Variants in GAS2 observed in about 807,000 individuals in gnomAD.
GAS2 encodes the protein growth arrest-specific protein 2.
A neutral mutation model predicts 37.5 loss-of-function variants in GAS2; 20 were observed. The ratio of observed to expected loss-of-function variants is 0.53; its 90% CI spans 0.37 to 0.77. The LOEUF is 0.77. Ranked by LOEUF, GAS2 falls within the 30% of genes least tolerant of loss-of-function variation. The pLI, the probability that GAS2 is intolerant of heterozygous loss-of-function variation, is 0.00. For synonymous variants in GAS2, 144 were observed against 132.2 expected (o/e 1.09, Z -0.61); for missense variants, 336 against 373.4 (o/e 0.90, Z 0.82).
chr11:22,668,840 T>G lies in GAS2; in HGVS notation c.-21+1941T>G, dbSNP rs1206426322. On this transcript the variant is annotated intron_variant, in intron 1 of 7. Coordinates refer to ENST00000454584, the MANE Select transcript of GAS2 (RefSeq NM_001143830.3). ...TTGTTTAAAACTGCAGGGCATGTTG[T>G]AAGGTTGGTTTGGTATCTTTGTGGT... 3.3e-5 allele frequency among the ~76,000 whole-genome samples: 5 copies of G among 152,328 alleles called. No homozygotes were observed. In the East Asian group the frequency reaches 9.6e-4, roughly 29 times the overall value.
At chr11:22,770,632 G>C (rs1854930446) in intron 7 of GAS2, among the ~76,000 whole-genome samples, 1 of 152,160 alleles carries the variant, frequency 6.6e-6, no homozygotes, top group Admixed American at 6.6e-5. Context: ...TGGAACAGGA[G>C]ACTAAAACCC....
At chr11:22,679,068 A>G (rs896284888) in intron 2 of GAS2, among the ~76,000 whole-genome samples, 1 of 152,086 alleles carries the variant, frequency 6.6e-6, no homozygotes, top group Non-Finnish European at 1.5e-5. Context: ...AGGGGGTAGC[A>G]CACACTGATT....
chr11:22,693,776 C>T (rs1850365591), intron 3 of GAS2, among the ~76,000 whole-genome samples: 1 of 152,098 alleles, frequency 6.6e-6, no homozygotes, highest in South Asian at 2.1e-4. Flanking sequence ...AGATCAGGTC[C>T]CTTTGGAGAT....
intron 1 of GAS2, among the ~76,000 whole-genome samples, chr11:22,628,608 G>A (rs1405995789): frequency 1.3e-5 from 2 of 151,960 alleles, no homozygotes; most frequent in African/African-American, 2.4e-5. Context: ...AAACTTTCTT[G>A]TCGTCTTTTC....
At chr11:22,692,197 G>A (rs1371241898) in intron 3 of GAS2, among the ~76,000 whole-genome samples, 1 of 152,138 alleles carries the variant, frequency 6.6e-6, no homozygotes, top group Non-Finnish European at 1.5e-5. Context: ...GAAAAATTGG[G>A]CAAGATAGGG....
intron 7 of GAS2, 40 bp downstream of exon 7, chr11:22,755,993 G>A (rs749622785): frequency 7.1e-7 from 1 of 1,409,880 alleles, no homozygotes; most frequent in African/African-American, 1.4e-5. Flanking sequence ...TTTATGGGAA[G>A]ATTCAGAATT....
intron 3 of GAS2, among the ~76,000 whole-genome samples, chr11:22,704,482 T>C (rs1350502683): frequency 1.3e-5 from 2 of 149,696 alleles, no homozygotes; most frequent in Admixed American, 1.3e-4. Context: ...TAATATGAAA[T>C]AAAAGCTTCT....
At chr11:22,749,304 C>T in intron 6 of GAS2, 43 bp downstream of exon 6, 7 of 1,564,684 alleles carry the variant, frequency 4.5e-6, no homozygotes, top group Non-Finnish European at 6.1e-6. Flanking sequence ...GTTAGTCTTT[C>T]TTGCACTACA....
At chr11:22,663,971 A>C (rs1416994617), upstream of GAS2, among the ~76,000 whole-genome samples, 1 of 152,198 alleles carries the variant, frequency 6.6e-6, no homozygotes, top group African/African-American at 2.4e-5. Flanking sequence ...AAATGTAAGT[A>C]AATGATTTAA....
At chr11:22,697,469 A>C (rs1850589280) in intron 3 of GAS2, among the ~76,000 whole-genome samples, 1 of 152,216 alleles carries the variant, frequency 6.6e-6, no homozygotes, top group East Asian at 1.9e-4. Context: ...AGTTTTTTCC[A>C]ATTCTGTGAA....
intron 1 of GAS2, among the ~76,000 whole-genome samples, chr11:22,661,100 A>G (rs2133845429): frequency 6.6e-6 from 1 of 152,344 alleles, no homozygotes; most frequent in Non-Finnish European, 1.5e-5. Context: ...TCAATGAATA[A>G]CTGGAGCAAT....
chr11:22,752,993 G>A (rs955552288), intron 6 of GAS2, among the ~76,000 whole-genome samples: 15 of 152,082 alleles, frequency 9.9e-5, no homozygotes, highest in African/African-American at 3.6e-4. Flanking sequence ...GGTGGAGTCA[G>A]GTTTAGTTCT....
chr11:22,747,680 A>G (rs1853486705), intron 5 of GAS2, among the ~76,000 whole-genome samples: 1 of 152,082 alleles, frequency 6.6e-6, no homozygotes. Context: ...AGGCCAACTA[A>G]CTATCTAGTC....
rs35549681 is a variant in GAS2 at position 22,812,428 on chromosome 11, CTTTTTTTT to C, written c.*423_*430del. The stretch of plus-strand genomic sequence containing the variant: ...TTTTTATAATTGCAAGATTTTTATG[CTTTTTTTT>C]TTTTTTTTTTACAAAATGATGATTA... On this transcript the variant is annotated 3_prime_UTR_variant, in exon 8 of 8. Coordinates refer to ENST00000454584, the MANE Select transcript of GAS2 (RefSeq NM_001143830.3). The C allele has an allele frequency of 7.3e-6, 1 of 136,744 alleles. No individual in the cohort carries two copies. Among genetic ancestry groups the C allele is most frequent in the Non-Finnish European group, 1.5e-5 (1 of 66,120 alleles). The allele number at this position is 136,744 out of a possible 1,614,324, so 8.5% of individuals were successfully genotyped here. A position where few individuals can be genotyped will look rare whatever the true frequency, so the allele number is the denominator to read the frequency against.
intron 7 of GAS2, among the ~76,000 whole-genome samples, chr11:22,780,067 G>T (rs1855475409): frequency 6.6e-6 from 1 of 152,210 alleles, no homozygotes; most frequent in South Asian, 2.1e-4. Flanking sequence ...ACATTGCGTA[G>T]TATATACGAG....
intron 7 of GAS2, among the ~76,000 whole-genome samples, chr11:22,760,328 A>G (rs1213929547): frequency 6.6e-6 from 1 of 152,106 alleles, no homozygotes. Context: ...CAGCATCAGC[A>G]TCATTTGGAA....
chr11:22,642,357 A>G (rs1245341662), intron 1 of GAS2, among the ~76,000 whole-genome samples: 2 of 152,130 alleles, frequency 1.3e-5, no homozygotes, highest in Non-Finnish European at 2.9e-5. Context: ...ACTATTCTAC[A>G]TTTTCTCATT....
chr11:22,676,023 CTTATCCTAGGATTTCT>C (rs1411372543), intron 2 of GAS2, among the ~76,000 whole-genome samples: 2 of 152,030 alleles, frequency 1.3e-5, no homozygotes, highest in Non-Finnish European at 2.9e-5. Flanking sequence ...TTTTTTAGTC[CTTATCCTAGGATTTCT>C]TTATCCTATA....
chr11:22,799,621 A>ATCC (rs1856573451), intron 7 of GAS2, among the ~76,000 whole-genome samples: 1 of 152,076 alleles, frequency 6.6e-6, no homozygotes, highest in Non-Finnish European at 1.5e-5. Flanking sequence ...AATTGGTCTG[A>ATCC]ATTATCATTC....
Sources: allele counts gnomAD v4.1 joint callset (sites outside exome capture counted in the v4.1 genomes callset), GRCh38; gene constraint gnomAD v4.1.1; transcripts MANE v1.5; gene names NCBI Gene and HGNC (gene_info 2026-07-23, HGNC 2026-07-21).